XXYLT1: variants seen among roughly 807,000 people sequenced by gnomAD.
The protein encoded by XXYLT1 is xyloside xylosyltransferase 1.
XXYLT1 carries 20 observed loss-of-function variants against 28.9 expected under a neutral mutation model. That is an observed-to-expected ratio of 0.69 (90% confidence interval 0.49 to 1.00). The LOEUF is 1.00. Among genes scored for constraint, XXYLT1 ranks in the 50% least tolerant of loss-of-function variants. XXYLT1 has a pLI of 0.00. For synonymous variants in XXYLT1, 257 were observed against 253.8 expected, an observed-to-expected ratio of 1.01 and a Z score of -0.12; for missense variants, 542 against 560.1, an observed-to-expected ratio of 0.97 and a Z score of 0.33.
At chr3:195,170,920 G>A (rs958082675) in intron 2 of XXYLT1, among the ~76,000 whole-genome samples, 1 of 152,118 alleles carries the variant, frequency 6.6e-6, no homozygotes, top group Non-Finnish European at 1.5e-5. Context: ...AGCAGCCTCA[G>A]AAATAGGTGA....
chr3:195,093,460 C>G (rs1716225227), intron 3 of XXYLT1, among the ~76,000 whole-genome samples: 1 of 133,248 alleles, frequency 7.5e-6, no homozygotes, highest in Admixed American at 7.6e-5. Flanking sequence ...TATTCTCACT[C>G]ATAGGTGGGA....
chr3:195,220,337 T>C (rs1420529887), intron 2 of XXYLT1, among the ~76,000 whole-genome samples: 1 of 151,998 alleles, frequency 6.6e-6, no homozygotes, highest in African/African-American at 2.4e-5. Context: ...AGAAATGGGG[T>C]TTCACCATGT....
Position 195,256,043 on chromosome 3 carries a change from A to C in XXYLT1, c.504+14512T>G, listed in dbSNP as rs116424233. ...CAGGGGAAGAGGCCACCCAGCCAGC[A>C]GCAGGCACAGGGGCACCGTGGGAAC... is the stretch of plus-strand genomic sequence containing the variant. On this transcript the variant is annotated intron_variant, in intron 1 of 3. Transcript: ENST00000310380. This position sits in a 1 kb window ranked among gnomAD's most constrained non-coding sequence, Gnocchi z 4.2. Among the ~76,000 whole-genome samples the C allele has an allele frequency of 2.0e-5, 3 of 152,164 alleles. No homozygotes were observed. Among genetic ancestry groups the C allele is most frequent in the Non-Finnish European group, 4.4e-5 (3 of 68,004 alleles).
chr3:195,146,633 CGA>C (rs1719867099), intron 3 of XXYLT1: 1 of 152,214 alleles, frequency 6.6e-6, no homozygotes, highest in Non-Finnish European at 1.5e-5. Context: ...AACACCACTC[CGA>C]GAGACTTTTC....
intron 3 of XXYLT1, among the ~76,000 whole-genome samples, chr3:195,155,061 C>A (rs1720490925): frequency 6.6e-6 from 1 of 152,206 alleles, no homozygotes; most frequent in African/African-American, 2.4e-5. Context: ...GAGGAAGAGG[C>A]CTACCCAGTG....
At chr3:195,147,353 T>G (rs1370580610) in intron 3 of XXYLT1, among the ~76,000 whole-genome samples, 1 of 152,158 alleles carries the variant, frequency 6.6e-6, no homozygotes, top group Non-Finnish European at 1.5e-5. Context: ...GTGGATCACC[T>G]GAGGTCAGGA....
At chr3:195,114,461 G>A (rs1717940941) in intron 3 of XXYLT1, among the ~76,000 whole-genome samples, 1 of 152,168 alleles carries the variant, frequency 6.6e-6, no homozygotes, top group Admixed American at 6.5e-5. Flanking sequence ...TCTGTGTACG[G>A]TCCTGTGCCT....
At chr3:195,095,079 C>T (rs1212485311) in intron 3 of XXYLT1, among the ~76,000 whole-genome samples, 1 of 152,216 alleles carries the variant, frequency 6.6e-6, no homozygotes, top group East Asian at 1.9e-4. Flanking sequence ...TACTGGTCTG[C>T]AGGCCACACT....
intron 2 of XXYLT1, among the ~76,000 whole-genome samples, chr3:195,159,251 G>C (rs1720752384): frequency 6.6e-6 from 1 of 152,182 alleles, no homozygotes; most frequent in South Asian, 2.1e-4. Context: ...AAAAAGAATG[G>C]CATGGCAGAT....
chr3:195,140,175 C>A (rs1577069562), intron 3 of XXYLT1, among the ~76,000 whole-genome samples: 1 of 152,186 alleles, frequency 6.6e-6, no homozygotes, highest in East Asian at 1.9e-4. Flanking sequence ...AGCATTTACA[C>A]TTTTGAGCAG....
intron 2 of XXYLT1, among the ~76,000 whole-genome samples, chr3:195,206,246 G>A (rs910742661): frequency 5.3e-5 from 8 of 151,478 alleles, no homozygotes; most frequent in African/African-American, 1.7e-4. Flanking sequence ...TCCTGATCTC[G>A]TGATCCACCC....
At chr3:195,216,661 C>G (rs1560157620) in intron 2 of XXYLT1, among the ~76,000 whole-genome samples, 1 of 150,818 alleles carries the variant, frequency 6.6e-6, no homozygotes, top group Non-Finnish European at 1.5e-5. Context: ...GAAATTGTGG[C>G]AATAATCAAT....
intron 3 of XXYLT1, among the ~76,000 whole-genome samples, chr3:195,094,896 G>A (rs753284016): frequency 4.6e-5 from 7 of 152,200 alleles, no homozygotes; most frequent in Non-Finnish European, 8.8e-5. Flanking sequence ...GGTTTTCTCA[G>A]CTAACCCCAC....
At chr3:195,219,256 G>T (rs902612703) in intron 2 of XXYLT1, among the ~76,000 whole-genome samples, 3 of 152,084 alleles carry the variant, frequency 2.0e-5, no homozygotes, top group African/African-American at 7.2e-5. Context: ...CATGGCACAT[G>T]TATACATATG....
At chr3:195,179,882 G>A (rs943494946) in intron 2 of XXYLT1, among the ~76,000 whole-genome samples, 2 of 152,174 alleles carry the variant, frequency 1.3e-5, no homozygotes, top group South Asian at 2.1e-4. Context: ...CCTGCCCTGC[G>A]TCGCCCATGC....
intron 3 of XXYLT1, among the ~76,000 whole-genome samples, chr3:195,085,133 A>G (rs995882904): frequency 6.6e-6 from 1 of 152,246 alleles, no homozygotes; most frequent in Non-Finnish European, 1.5e-5. Flanking sequence ...GCACGAGGTC[A>G]AGTAGGAAAA....
At chr3:195,148,784 A>C (rs988718767) in intron 3 of XXYLT1, among the ~76,000 whole-genome samples, 2 of 152,224 alleles carry the variant, frequency 1.3e-5, no homozygotes, top group African/African-American at 4.8e-5. Context: ...GAACTTGAAG[A>C]CAGAGTGACA....
chr3:195,127,597 G>A (rs1282525869), intron 3 of XXYLT1, among the ~76,000 whole-genome samples: 4 of 151,946 alleles, frequency 2.6e-5, no homozygotes, highest in African/African-American at 7.3e-5. Flanking sequence ...GCAACATACT[G>A]AGACCCTATC....
intron 2 of XXYLT1, among the ~76,000 whole-genome samples, chr3:195,212,636 T>C (rs1164050522): frequency 1.3e-5 from 2 of 152,122 alleles, no homozygotes; most frequent in African/African-American, 2.4e-5. Context: ...ACACAAACCC[T>C]ACTGTGAACT....
Sources: gnomAD v4.1 joint callset for allele counts (sites outside exome capture counted in the v4.1 genomes callset) on GRCh38, gnomAD v4.1.1 for gene constraint, Gnocchi (gnomAD v3.1) non-coding constraint, MANE v1.5 for transcripts, NCBI Gene and HGNC (gene_info 2026-07-23, HGNC 2026-07-21) for gene names.